Variants in GDPD4 observed in about 807,000 individuals in gnomAD.
GDPD4 encodes the protein glycerophosphodiester phosphodiesterase 6.
GDPD4 carries 60 observed loss-of-function variants against 67.8 expected under a neutral mutation model. The observed-to-expected ratio is 0.88, with a 90% CI of 0.72 to 1.10. GDPD4 has a LOEUF of 1.10. Among genes scored for constraint, GDPD4 ranks in the 50% least tolerant of loss-of-function variants. GDPD4 has a pLI of 0.00. For missense variants in GDPD4, 623 were observed against 613.9 expected, an observed-to-expected ratio of 1.01 and a Z score of -0.16; for synonymous variants, 212 against 210.9, an observed-to-expected ratio of 1.00 and a Z score of -0.04.
rs535122985 is a variant in GDPD4, at chr11:77,222,531, TTTTC to T, written c.1526-5221_1526-5218del. On this transcript the variant is annotated intron_variant, in intron 16 of 16. Coordinates refer to ENST00000315938, the MANE Select transcript of GDPD4 (RefSeq NM_182833.3). Reference sequence around the variant, plus strand: ...AAATTCTGGGTTGAAAATTCTTTTCTTTTCTTTAAGAATGTTGAATATTGGCCCC... The same window carrying T: ...AAATTCTGGGTTGAAAATTCTTTTCTTTTAAGAATGTTGAATATTGGCCCC... 3.0e-3 allele frequency among the ~76,000 whole-genome samples: 450 copies of T among 152,334 alleles called. 7 individuals carry two copies. Among genetic ancestry groups the T allele is most frequent in the African/African-American group, 0.011 (444 of 41,574 alleles).
At chr11:77,293,381 C>T (rs1385598248) in intron 1 of GDPD4, among the ~76,000 whole-genome samples, 2 of 152,032 alleles carry the variant, frequency 1.3e-5, no homozygotes, top group Non-Finnish European at 2.9e-5. Flanking sequence ...ACTGCTTGAG[C>T]CCAAAAGTTC....
intron 9 of GDPD4, 77 bp downstream of exon 9, chr11:77,268,847 A>T (rs1030546479): frequency 4.9e-6 from 7 of 1,439,836 alleles, no homozygotes; most frequent in Non-Finnish European, 5.7e-6. Flanking sequence ...AGGGGCTTCC[A>T]TGGTTCTCTT....
chr11:77,236,223 GT>G (rs1958566014), intron 13 of GDPD4, among the ~76,000 whole-genome samples: 1 of 151,398 alleles, frequency 6.6e-6, no homozygotes, highest in African/African-American at 2.4e-5. Context: ...TAGGGTACAT[GT>G]GCACAACGTG....
In GDPD4 at chr11:77,248,958, C is replaced by T. The variant is rs572691168; in HGVS notation, c.865-3456G>A. The stretch of plus-strand genomic sequence containing the variant: ...GCTAGGCTGGTCTCGAACTCATGAC[C>T]TCTCCCCTATAAATTTAAATATTAG... On this transcript the variant is annotated intron_variant, in intron 11 of 16. Transcript: ENST00000315938. 4.0e-5 allele frequency among the ~76,000 whole-genome samples: 6 copies of T among 149,436 alleles called. No homozygotes were observed. The South Asian group carries it at 1.3e-3, about 32-fold the overall frequency.
At chr11:77,218,312 TTTTTTCTGATATA>T (rs1006215353) in intron 16 of GDPD4, among the ~76,000 whole-genome samples, 28 of 152,228 alleles carry the variant, frequency 1.8e-4, no homozygotes, top group African/African-American at 6.5e-4. Context: ...TTAAAGTCTA[TTTTTTCTGATATA>T]TTTTTCTGAT....
At chr11:77,284,686 G>A (rs1318115403) in intron 3 of GDPD4, among the ~76,000 whole-genome samples, 1 of 152,186 alleles carries the variant, frequency 6.6e-6, no homozygotes, top group African/African-American at 2.4e-5. Context: ...GGGAGAGGAA[G>A]AGGGTATAGG....
intron 16 of GDPD4, among the ~76,000 whole-genome samples, chr11:77,225,144 A>G (rs1351281476): frequency 1.3e-5 from 2 of 152,004 alleles, no homozygotes; most frequent in African/African-American, 4.8e-5. Flanking sequence ...ACAGCAATAG[A>G]ATCTATCCAA....
intron 10 of GDPD4, among the ~76,000 whole-genome samples, chr11:77,264,463 G>C (rs893397363): frequency 6.6e-6 from 1 of 152,064 alleles, no homozygotes; most frequent in Non-Finnish European, 1.5e-5. Context: ...AGGGAAGAAG[G>C]AGCCAGCAAA....
At chr11:77,259,508 A>T (rs1959070417) in intron 10 of GDPD4, among the ~76,000 whole-genome samples, 1 of 152,060 alleles carries the variant, frequency 6.6e-6, no homozygotes, top group Non-Finnish European at 1.5e-5. Flanking sequence ...TAAAGGAAAT[A>T]ACTATTTTCA....
At chr11:77,218,234 T>TTCTC (rs929096917) in intron 16 of GDPD4, among the ~76,000 whole-genome samples, 4 of 145,912 alleles carry the variant, frequency 2.7e-5, no homozygotes, top group Non-Finnish European at 5.9e-5. Flanking sequence ...TGGGCATTCT[T>TTCTC]TCTCTCACTA....
intron 16 of GDPD4, among the ~76,000 whole-genome samples, chr11:77,224,597 G>A (rs921268981): frequency 3.9e-5 from 6 of 152,118 alleles, no homozygotes; most frequent in Non-Finnish European, 7.3e-5. Context: ...AAACAGAGAT[G>A]ACTTCACTTC....
Position 77,271,126 on chromosome 11 carries a change from A to G in GDPD4, c.400+4T>C. 6.3e-7 allele frequency: 1 copy of G among 1,595,144 alleles called. No homozygotes were observed. The highest frequency in any genetic ancestry group is 8.6e-7 in the Non-Finnish European group (1 of 1,163,960). ...TAGGCAGGGTTCTGCCCTATGTGAC[A>G]TACCTTCTCTTTCCAAACATGCCAC... On this transcript the variant is annotated splice_donor_region_variant and intron_variant, in intron 7 of 16. Coordinates refer to ENST00000315938, the MANE Select transcript of GDPD4 (RefSeq NM_182833.3).
At position 77,295,082 on chromosome 11, in the gene GDPD4, A is replaced by C. The variant is rs1023501094; in HGVS notation, c.-254+6523T>G. The stretch of plus-strand genomic sequence containing the variant: ...CTCCCAGGAGCAATTATCTTGCCTC[A>C]GCCTCTTGAGTAGCGGGGACTACAG... On this transcript the variant is annotated intron_variant, in intron 1 of 16. Transcript: ENST00000315938. Among the ~76,000 whole-genome samples, 4 of 149,106 alleles carry C rather than the reference A, an allele frequency of 2.7e-5. No individual in the cohort carries two copies. The Admixed American group carries it at 2.7e-4, about 10-fold the overall frequency.
intron 1 of GDPD4, among the ~76,000 whole-genome samples, chr11:77,301,235 CTGA>C (rs575808179): frequency 1.8e-4 from 28 of 152,234 alleles, no homozygotes; most frequent in Non-Finnish European, 3.1e-4. Flanking sequence ...AACTGAACCC[CTGA>C]TGTTTTTTCC....
chr11:77,217,719 C>T (rs1414108940), intron 16 of GDPD4, among the ~76,000 whole-genome samples: 1 of 152,134 alleles, frequency 6.6e-6, no homozygotes, highest in African/African-American at 2.4e-5. Context: ...GTGTTTGTCA[C>T]ACAGTAAATG....
At chr11:77,227,785 AC>A in intron 16 of GDPD4, 78 bp downstream of exon 16, 1 of 693,470 alleles carries the variant, frequency 1.4e-6, no homozygotes. Flanking sequence ...CTTGTCAGGG[AC>A]ATGAAAAGCT....
In GDPD4 at chr11:77,217,264, C is replaced by A. The variant is rs1958141668; in HGVS notation, c.*13G>T. On this transcript the variant is annotated 3_prime_UTR_variant, in exon 17 of 17. Coordinates refer to ENST00000315938, the MANE Select transcript of GDPD4 (RefSeq NM_182833.3). ...GGACAGGAGGTTTCATGGCTATGTG[C>A]AAATCTATCTATCTATCTATCTTCC... 6.3e-7 allele frequency: 1 copy of A among 1,595,468 alleles called. No homozygotes were observed. The highest frequency in any genetic ancestry group is 1.3e-5 in the African/African-American group (1 of 74,636).
At chr11:77,266,664 T>C (rs1239788011) in intron 10 of GDPD4, among the ~76,000 whole-genome samples, 1 of 152,152 alleles carries the variant, frequency 6.6e-6, no homozygotes, top group East Asian at 1.9e-4. Context: ...GATGTGAAGG[T>C]AGAAGACAGT....
chr11:77,294,183 T>C (rs1270028952), intron 1 of GDPD4, among the ~76,000 whole-genome samples: 1 of 152,220 alleles, frequency 6.6e-6, no homozygotes, highest in Non-Finnish European at 1.5e-5. Context: ...ATCTGAAGTT[T>C]AGTTACCAGT....
Sources: allele counts gnomAD v4.1 joint callset (sites outside exome capture counted in the v4.1 genomes callset), GRCh38; gene constraint gnomAD v4.1.1; transcripts MANE v1.5; gene names NCBI Gene and HGNC (gene_info 2026-07-23, HGNC 2026-07-21).